IQSEC1: variants seen among roughly 807,000 people sequenced by gnomAD.
IQSEC1 encodes IQ motif and Sec7 domain ArfGEF 1.
IQSEC1 carries 31 observed loss-of-function variants against 91.0 expected under a neutral mutation model. The observed-to-expected ratio is 0.34, with a 90% CI of 0.26 to 0.46. IQSEC1 has a LOEUF of 0.46. Among genes scored for constraint, IQSEC1 ranks in the 20% least tolerant of loss-of-function variants. IQSEC1 has a pLI of 1.00. For missense variants in IQSEC1, 1,388 were observed against 1,575.6 expected, an observed-to-expected ratio of 0.88 and a Z score of 2.02; for synonymous variants, 699 against 662.6, an observed-to-expected ratio of 1.05 and a Z score of -0.84.
intron 3 of IQSEC1, among the ~76,000 whole-genome samples, chr3:12,933,833 T>C (rs768776084): frequency 1.3e-5 from 2 of 152,282 alleles, no homozygotes; most frequent in Non-Finnish European, 2.9e-5. Flanking sequence ...ATGCATTTTC[T>C]GTGAAGAATG....
chr3:12,996,085 C>G (rs1350573617), intron 1 of IQSEC1, among the ~76,000 whole-genome samples: 1 of 151,994 alleles, frequency 6.6e-6, no homozygotes, highest in Non-Finnish European at 1.5e-5. Flanking sequence ...TGCTTAAGCC[C>G]AGGAGTTCAA....
chr3:13,018,593 T>C lies in IQSEC1; in HGVS notation c.23+54399A>G, dbSNP rs555435051. ...CCCTGTACCCAGAGCAAGGCCTTTG[T>C]CTGCCAGGGGCCCAGAGGTGAGTGC... On this transcript the variant is annotated intron_variant, in intron 1 of 13. Transcript: ENST00000613206. Among the ~76,000 whole-genome samples, 6 of 152,322 alleles carry C rather than the reference T, an allele frequency of 3.9e-5. No individual in the cohort carries two copies. The East Asian group carries it at 1.2e-3, about 29-fold the overall frequency.
chr3:13,256,210 G>A (rs61416124), intron 1 of IQSEC1, among the ~76,000 whole-genome samples: 1 of 152,226 alleles, frequency 6.6e-6, no homozygotes, highest in Non-Finnish European at 1.5e-5. Context: ...TAGTGGTGAC[G>A]GTGACAGCTG....
intron 1 of IQSEC1, among the ~76,000 whole-genome samples, chr3:13,017,754 G>A (rs1703207025): frequency 6.6e-6 from 1 of 152,300 alleles, no homozygotes; most frequent in South Asian, 2.1e-4. Context: ...AGGGAGGTGA[G>A]GCTGGCAGGG....
At chr3:13,012,935 T>C (rs1482095035) in intron 1 of IQSEC1, among the ~76,000 whole-genome samples, 1 of 142,834 alleles carries the variant, frequency 7.0e-6, no homozygotes, top group African/African-American at 2.7e-5. Context: ...ACGAAAGCAG[T>C]GGAACAGAAA....
rs1694499027 is a variant in IQSEC1 at position 13,214,198 on chromosome 3, C to T, written c.273-50065G>A. Reference sequence around the variant, plus strand: ...CTTAACGCGACGAACCCCTCTCTTACCCTTCTAGTCGCACTGCAGGGGCTT... The same window carrying T: ...CTTAACGCGACGAACCCCTCTCTTATCCTTCTAGTCGCACTGCAGGGGCTT... On this transcript the variant is annotated intron_variant, in intron 1 of 15. Coordinates refer to the IQSEC1 transcript ENST00000648114. The surrounding 1 kb of genome is among the most constrained non-coding windows in gnomAD (Gnocchi z 4.5). Among the ~76,000 whole-genome samples, 1 of 152,216 alleles carries T rather than the reference C, an allele frequency of 6.6e-6. No individual in the cohort carries two copies. The highest frequency in any genetic ancestry group is 2.4e-5 in the African/African-American group (1 of 41,454).
chr3:13,217,412 T>A (rs1268319766), intron 1 of IQSEC1, among the ~76,000 whole-genome samples: 4 of 152,194 alleles, frequency 2.6e-5, no homozygotes, highest in Non-Finnish European at 5.9e-5. Context: ...ATCCATGACA[T>A]AGGGTGCACC....
intron 1 of IQSEC1, among the ~76,000 whole-genome samples, chr3:13,202,299 T>C (rs551328116): frequency 2.6e-4 from 40 of 152,310 alleles, no homozygotes; most frequent in African/African-American, 8.2e-4. Context: ...ACCCCTCTTC[T>C]GGGTATATAT....
At chr3:13,250,535 C>A (rs1695177211) in intron 1 of IQSEC1, among the ~76,000 whole-genome samples, 1 of 151,054 alleles carries the variant, frequency 6.6e-6, no homozygotes, top group African/African-American at 2.4e-5. Flanking sequence ...CCCAGGTTCA[C>A]ATGATTCTCC....
At chr3:12,917,173 C>A (rs1696173978) in intron 6 of IQSEC1, among the ~76,000 whole-genome samples, 1 of 152,214 alleles carries the variant, frequency 6.6e-6, no homozygotes, top group South Asian at 2.1e-4. Flanking sequence ...CCCCGACACT[C>A]ATAGCCTTCC....
chr3:12,958,066 C>G (rs547922822), intron 1 of IQSEC1, among the ~76,000 whole-genome samples: 139 of 152,292 alleles, frequency 9.1e-4, no homozygotes, highest in Middle Eastern at 3.4e-3. Context: ...GCTGAGGCCC[C>G]GGGACACCTC....
intron 3 of IQSEC1, among the ~76,000 whole-genome samples, chr3:12,928,919 CTTCA>C (rs1697396984): frequency 1.3e-5 from 2 of 152,192 alleles, no homozygotes; most frequent in African/African-American, 2.4e-5. Flanking sequence ...CACCCACCTC[CTTCA>C]TTCATTCCAC....
At chr3:13,128,599 C>T (rs1706556403) in intron 2 of IQSEC1, among the ~76,000 whole-genome samples, 1 of 152,172 alleles carries the variant, frequency 6.6e-6, no homozygotes, top group Non-Finnish European at 1.5e-5. Flanking sequence ...GGCACAGTGG[C>T]TCACGCCTGT....
intron 1 of IQSEC1, among the ~76,000 whole-genome samples, chr3:12,958,931 T>C (rs947281440): frequency 8.5e-5 from 13 of 152,188 alleles, no homozygotes; most frequent in African/African-American, 3.1e-4. Context: ...TGAGTAAAGG[T>C]GACGGGAGCT....
chr3:13,176,874 G>C (rs1693740172), intron 1 of IQSEC1, among the ~76,000 whole-genome samples: 1 of 152,228 alleles, frequency 6.6e-6, no homozygotes, highest in African/African-American at 2.4e-5. Context: ...CTATACAATG[G>C]AATACTGTTC....
At position 12,898,383 on chromosome 3, in the gene IQSEC1, C is replaced by CT. The variant is rs1693856020; in HGVS notation, c.*2599dup. 6.6e-6 allele frequency: 1 copy of CT among 152,266 alleles called. No individual in the cohort carries two copies. Among genetic ancestry groups the CT allele is most frequent in the Non-Finnish European group, 1.5e-5 (1 of 68,056 alleles). 9.4% of individuals were successfully genotyped at this position (152,266 alleles called of 1,614,324 possible). On this transcript the variant is annotated 3_prime_UTR_variant, in exon 14 of 14. Transcript: ENST00000613206. The stretch of plus-strand genomic sequence containing the variant: ...AACCTCACTAGCCTGAAGGAACACA[C>CT]TGAGTGCGGCGGGAAACCCCGGGAA...
rs1695123710 is a variant in IQSEC1, at chr3:13,247,267, C to T, written c.272+35444G>A. On this transcript the variant is annotated intron_variant, in intron 1 of 15. Coordinates refer to the IQSEC1 transcript ENST00000648114. Reference sequence around the variant, plus strand: ...TGGACAGGTCCCCACCCCTCCCAGACACCCCCAGGACGTGCTGGGATTTCT... The same window carrying T: ...TGGACAGGTCCCCACCCCTCCCAGATACCCCCAGGACGTGCTGGGATTTCT... Among the ~76,000 whole-genome samples the T allele has an allele frequency of 1.3e-5, 2 of 152,224 alleles. 1 individual carries two copies. The highest frequency in any genetic ancestry group is 4.1e-4 in the South Asian group (2 of 4,832).
rs1361139179 is a variant in IQSEC1, at chr3:12,898,495, G to C, written c.*2488C>G. 4 of 152,232 alleles carry C rather than the reference G, an allele frequency of 2.6e-5. No individual in the cohort carries two copies. Among genetic ancestry groups the C allele is most frequent in the African/African-American group, 7.2e-5 (3 of 41,454 alleles). 9.4% of individuals were successfully genotyped at this position (152,232 alleles called of 1,614,324 possible). A position where few individuals can be genotyped will look rare whatever the true frequency, so the allele number is the denominator to read the frequency against. On this transcript the variant is annotated 3_prime_UTR_variant, in exon 14 of 14. Coordinates refer to ENST00000613206, the MANE Select transcript of IQSEC1 (RefSeq NM_001134382.3). Reference sequence around the variant, plus strand: ...CACACCGAGGACAGTGCCACAGGCTGGCAGCCCGAGGCTGTGGAGCTTGCA... The same window carrying C: ...CACACCGAGGACAGTGCCACAGGCTCGCAGCCCGAGGCTGTGGAGCTTGCA...
Position 13,211,469 on chromosome 3 carries a change from CA to C in IQSEC1, c.273-47337del, listed in dbSNP as rs1173757586. Among the ~76,000 whole-genome samples, 1 of 152,084 alleles carries C rather than the reference CA, an allele frequency of 6.6e-6. No homozygotes were observed. The highest frequency in any genetic ancestry group is 1.5e-5 in the Non-Finnish European group (1 of 67,988). ...CAGGTCACCTTACAAACAAAGACCCCAACTCAGGGTCTCGGCTCTTCAGGCA... is the reference window on the plus strand; with the variant it reads ...CAGGTCACCTTACAAACAAAGACCCCACTCAGGGTCTCGGCTCTTCAGGCA... On this transcript the variant is annotated intron_variant, in intron 1 of 15. Transcript: ENST00000648114. This position sits in a 1 kb window ranked among gnomAD's most constrained non-coding sequence, Gnocchi z 5.3.
Sources: allele counts gnomAD v4.1 joint callset (sites outside exome capture counted in the v4.1 genomes callset), GRCh38; gene constraint gnomAD v4.1.1; non-coding constraint Gnocchi (gnomAD v3.1); transcripts MANE v1.5; gene names NCBI Gene and HGNC (gene_info 2026-07-23, HGNC 2026-07-21).